Variants in TMEM260 observed in about 807,000 individuals in gnomAD.
TMEM260 encodes the protein transmembrane protein 260.
Under a neutral mutation model 88.9 loss-of-function variants are expected in TMEM260, and 82 were observed. The ratio of observed to expected loss-of-function variants is 0.92; its 90% confidence interval spans 0.77 to 1.11. TMEM260 has a LOEUF of 1.11. Ranked by LOEUF, TMEM260 falls within the 50% of genes least tolerant of loss-of-function variation. The pLI is 0.00. For missense variants in TMEM260, 902 were observed against 853.4 expected (o/e 1.06, Z -0.71); for synonymous variants, 314 against 309.3 (o/e 1.02, Z -0.16).
downstream of TMEM260, among the ~76,000 whole-genome samples, chr14:56,651,304 T>C (rs997127371): frequency 6.7e-6 from 1 of 149,888 alleles, no homozygotes; most frequent in Admixed American, 6.6e-5. Context: ...CAGGAATATA[T>C]CCTGAAAAAG....
intron 1 of TMEM260, among the ~76,000 whole-genome samples, chr14:56,581,323 C>T (rs1190535391): frequency 1.3e-5 from 2 of 152,162 alleles, no homozygotes; most frequent in Non-Finnish European, 2.9e-5. Context: ...GGCTGCCTAC[C>T]ACGTTGAAGA....
chr14:56,645,724 G>A (rs1889924947), intron 15 of TMEM260, among the ~76,000 whole-genome samples: 1 of 152,122 alleles, frequency 6.6e-6, no homozygotes, highest in Non-Finnish European at 1.5e-5. Context: ...GTAGGATTTT[G>A]AAAACTGAAC....
At chr14:56,593,063 C>T (rs1885963135) in intron 3 of TMEM260, 1 of 152,192 alleles carries the variant, frequency 6.6e-6, no homozygotes, top group Non-Finnish European at 1.5e-5. Flanking sequence ...AATAGCAAAC[C>T]TGTGTCAATG....
intron 14 of TMEM260, among the ~76,000 whole-genome samples, chr14:56,635,401 A>G (rs902738222): frequency 2.0e-5 from 3 of 152,212 alleles, no homozygotes; most frequent in Admixed American, 1.3e-4. Context: ...TAGGCATTGA[A>G]GCTACACATA....
rs979256673 is a variant in TMEM260 at position 56,633,300 on chromosome 14, A to G, written c.1724+129A>G. Reference sequence around the variant, plus strand: ...TTGTTAATATTGTTACTTGCTACCCACAAAATACCATAAAACAACAGAAAG... The same window carrying G: ...TTGTTAATATTGTTACTTGCTACCCGCAAAATACCATAAAACAACAGAAAG... On this transcript the variant is annotated intron_variant, in intron 13 of 15. Coordinates refer to ENST00000261556, the MANE Select transcript of TMEM260 (RefSeq NM_017799.4). 1.7e-4 allele frequency: 115 copies of G among 658,162 alleles called. No homozygotes were observed. The Middle Eastern group carries it at 3.1e-3, about 18-fold the overall frequency. The allele number at this position is 658,162 out of a possible 1,614,324, so 40.8% of individuals were successfully genotyped here.
downstream of TMEM260, among the ~76,000 whole-genome samples, chr14:56,654,895 C>T (rs1444496605): frequency 6.6e-6 from 1 of 150,422 alleles, no homozygotes; most frequent in Non-Finnish European, 1.5e-5. Flanking sequence ...TGTCTGATAT[C>T]CTAAATATGA....
rs752298765 is a variant in TMEM260, at chr14:56,633,020, A to C, written c.1573A>C (p.Ile525Leu). The C allele has an allele frequency of 6.8e-6, 11 of 1,613,906 alleles. No individual in the cohort carries two copies. The South Asian group carries it at 1.2e-4, about 18-fold the overall frequency. ...KQKETFVCIGIHEGDPTWKKN... is the reference protein window; with the variant it reads ...KQKETFVCIGLHEGDPTWKKN... Reference sequence around the variant, plus strand: ...AAAAGAAACATTTGTTTGCATAGGAATTCATGAAGGCGACCCAACCTGGAA... The same window carrying C: ...AAAAGAAACATTTGTTTGCATAGGACTTCATGAAGGCGACCCAACCTGGAA... The change falls in exon 13 of 16, where the codon ATT (isoleucine) becomes CTT (leucine). Residue 525 changes from isoleucine to leucine, a missense_variant. Physicochemically the swap from Ile to Leu is conservative, Grantham distance 5. Transcript: ENST00000261556.
chr14:56,642,877 A>G (rs1021983789), intron 15 of TMEM260, among the ~76,000 whole-genome samples: 4 of 152,216 alleles, frequency 2.6e-5, no homozygotes, highest in African/African-American at 7.2e-5. Context: ...GACTACTATA[A>G]ACACGTCTAT....
In TMEM260 at chr14:56,609,377, T is replaced by A. The variant is rs1044245147; in HGVS notation, c.816+92T>A. 64 of 1,179,372 alleles carry A rather than the reference T, an allele frequency of 5.4e-5. No homozygotes were observed. In the African/African-American group the frequency reaches 9.3e-4, roughly 17 times the overall value. 73.1% of individuals were successfully genotyped at this position (1,179,372 alleles called of 1,614,324 possible). Reference sequence around the variant, plus strand: ...TGATTAAAAAAACAATATTTGTCAATGACAGTAGATCAAATGTTTGTTTTG... The same window carrying A: ...TGATTAAAAAAACAATATTTGTCAAAGACAGTAGATCAAATGTTTGTTTTG... On this transcript the variant is annotated intron_variant, in intron 6 of 15. Transcript: ENST00000261556.
At chr14:56,623,503 C>G (rs1301002195) in intron 11 of TMEM260, among the ~76,000 whole-genome samples, 2 of 152,158 alleles carry the variant, frequency 1.3e-5, no homozygotes, top group African/African-American at 2.4e-5. Context: ...ACCTAAACTG[C>G]TTATTAGCAA....
chr14:56,594,160 CT>C (rs1264371375), intron 3 of TMEM260, among the ~76,000 whole-genome samples: 1 of 152,136 alleles, frequency 6.6e-6, no homozygotes, highest in Non-Finnish European at 1.5e-5. Flanking sequence ...TGACCTTGCT[CT>C]GTTTAGGCTT....
chr14:56,609,167 A>G lies in TMEM260; in HGVS notation c.698A>G (p.Tyr233Cys), dbSNP rs1332238656. 10 of 1,614,034 alleles carry G rather than the reference A, an allele frequency of 6.2e-6. No homozygotes were observed. Among genetic ancestry groups the G allele is most frequent in the Non-Finnish European group, 6.8e-6 (8 of 1,180,032 alleles). The change falls in exon 6 of 16, where the codon TAT becomes TGT. Residue 233 changes from tyrosine to cysteine, a missense_variant. Tyr to Cys is a radical substitution (Grantham distance 194). Coordinates refer to ENST00000261556, the MANE Select transcript of TMEM260 (RefSeq NM_017799.4). ...SLYFSAGLLP[Y>C]VHLPISSYLN... ...TACTTCTCTGCTGGTTTGCTGCCCT[A>G]TGTCCACCTTCCCATCTCATCTTAC...
At chr14:56,595,221 A>AT (rs1440464231) in intron 3 of TMEM260, among the ~76,000 whole-genome samples, 14 of 152,290 alleles carry the variant, frequency 9.2e-5, no homozygotes, top group African/African-American at 3.4e-4. Flanking sequence ...TGTAGTTATG[A>AT]TTTTTGTAGC....
At chr14:56,653,736 CAAAACA>C (rs1284149999), downstream of TMEM260, among the ~76,000 whole-genome samples, 16 of 66,560 alleles carry the variant, frequency 2.4e-4, no homozygotes, top group African/African-American at 4.2e-4. Flanking sequence ...CTCTTGTCTC[CAAAACA>C]AAAAAAAAAA....
rs148173128 is a variant in TMEM260, at chr14:56,610,531, C to T, written c.816+1246C>T. 6.8e-3 allele frequency among the ~76,000 whole-genome samples: 1,037 copies of T among 152,210 alleles called. 9 individuals carry two copies. Among genetic ancestry groups the T allele is most frequent in the African/African-American group, 0.022 (927 of 41,534 alleles). On this transcript the variant is annotated intron_variant, in intron 6 of 15. Transcript: ENST00000261556. ...TGCGGGGATTACAGGCGTGAGCCAC[C>T]GCGCCCGGCCAGTGAGGTTTTGTTT... is the stretch of plus-strand genomic sequence containing the variant.
chr14:56,657,330 G>T, the TMEM260 span, among the ~76,000 whole-genome samples: 2 of 152,150 alleles, frequency 1.3e-5, no homozygotes, highest in Non-Finnish European at 2.9e-5. Flanking sequence ...AAAAATAGAG[G>T]TGAGGTCTTC....
At chr14:56,586,195 G>GCC (rs1885490125) in intron 3 of TMEM260, among the ~76,000 whole-genome samples, 1 of 152,082 alleles carries the variant, frequency 6.6e-6, no homozygotes, top group South Asian at 2.1e-4. Context: ...ATGCAGATGG[G>GCC]CCAGTTTAAT....
chr14:56,634,535 C>G (rs913744), intron 13 of TMEM260, among the ~76,000 whole-genome samples: 131,557 of 152,130 alleles, frequency 0.86, 57,021 homozygotes, highest in East Asian at 1. Context: ...CAGTTATGAC[C>G]TATCCATTGC....
Position 56,647,558 on chromosome 14 carries a change from T to A in TMEM260, c.*61T>A. ...CTTCCAAAATTCTGAAGTCTGGAAG[T>A]TTTTCCTTCAAGAAAAGAAACTGCA... is the stretch of plus-strand genomic sequence containing the variant. On this transcript the variant is annotated 3_prime_UTR_variant, in exon 16 of 16. Coordinates refer to ENST00000261556, the MANE Select transcript of TMEM260 (RefSeq NM_017799.4). The A allele has an allele frequency of 6.6e-7, 1 of 1,509,804 alleles. No homozygotes were observed. 93.5% of individuals were successfully genotyped at this position (1,509,804 alleles called of 1,614,324 possible). A position where few individuals can be genotyped will look rare whatever the true frequency, so the allele number is the denominator to read the frequency against.
Sources: allele counts gnomAD v4.1 joint callset (sites outside exome capture counted in the v4.1 genomes callset), GRCh38; gene constraint gnomAD v4.1.1; transcripts MANE v1.5; gene names NCBI Gene and HGNC (gene_info 2026-07-23, HGNC 2026-07-21).